ATP2C1: variants seen among roughly 807,000 people sequenced by gnomAD.
ATP2C1 encodes the protein ATPase secretory pathway Ca2+ transporting 1.
ATP2C1 carries 31 observed loss-of-function variants against 120.5 expected under a neutral mutation model. The ratio of observed to expected loss-of-function variants is 0.26; its 90% CI spans 0.19 to 0.35. The LOEUF (loss-of-function observed/expected upper bound fraction) is 0.35. ATP2C1 is among the 10% of genes least tolerant of loss of function. The pLI, the probability that ATP2C1 is intolerant of heterozygous loss-of-function variation, is 1.00. For synonymous variants in ATP2C1, 351 were observed against 358.7 expected (o/e 0.98, Z 0.24); for missense variants, 731 against 1,107.5 (o/e 0.66, Z 4.83).
At chr3:130,953,693 G>A (rs2060465916) in intron 8 of ATP2C1, 128 bp from the exon 9 acceptor site, 1 of 971,394 alleles carries the variant, frequency 1.0e-6, no homozygotes, top group Non-Finnish European at 1.7e-6. Context: ...TAGAGTGATG[G>A]TTTTGATACA....
rs1192530217 is a variant in ATP2C1, at chr3:130,980,691, C to T, written c.1839+12C>T. On this transcript the variant is annotated intron_variant, in intron 20 of 27. Transcript: ENST00000510168. ...AAATAGTACCAAAGGTAGGCCTAAA[C>T]TAAAGCCTTTTGGACTGAAAGGCCT... is the stretch of plus-strand genomic sequence containing the variant. The T allele has an allele frequency of 1.3e-6, 2 of 1,597,490 alleles. No homozygotes were observed. The highest frequency in any genetic ancestry group is 1.3e-5 in the African/African-American group (1 of 74,510).
chr3:130,995,886 C>A lies in ATP2C1; in HGVS notation c.2058-157C>A, dbSNP rs115103794. Among the ~76,000 whole-genome samples, 4,090 of 152,260 alleles carry A rather than the reference C, an allele frequency of 0.027. 190 individuals are homozygous for A. The highest frequency in any genetic ancestry group is 0.093 in the African/African-American group (3,864 of 41,536). On this transcript the variant is annotated intron_variant, in intron 22 of 27. Transcript: ENST00000510168. ...GTCCGAACTCGTGACCCCAGGTGAT[C>A]TGCCAGTTTCGGCCTCCCAGTGTGC...
chr3:130,990,277 C>A (rs546445939), intron 20 of ATP2C1, among the ~76,000 whole-genome samples: 2 of 135,614 alleles, frequency 1.5e-5, no homozygotes, highest in East Asian at 4.7e-4. Flanking sequence ...GAGCAACCCC[C>A]CCCCCCACAA....
intron 21 of ATP2C1, 61 bp from the exon 22 acceptor site, chr3:130,993,871 G>T: frequency 1.9e-6 from 3 of 1,567,800 alleles, no homozygotes; most frequent in South Asian, 2.2e-5. Flanking sequence ...TTATCGCTTT[G>T]TATGGAAGCA....
At chr3:130,859,488 A>G (rs1309506899) in intron 1 of ATP2C1, among the ~76,000 whole-genome samples, 2 of 152,222 alleles carry the variant, frequency 1.3e-5, no homozygotes, top group Non-Finnish European at 2.9e-5. Context: ...TCATTGATAA[A>G]TGGGGGTGCC....
chr3:130,983,727 G>A (rs371305084), intron 20 of ATP2C1, among the ~76,000 whole-genome samples: 2 of 152,222 alleles, frequency 1.3e-5, no homozygotes, highest in African/African-American at 4.8e-5. Context: ...CTGTAGTTTT[G>A]CCTTTTCCAG....
At chr3:130,942,402 G>A (rs1450905872) in intron 8 of ATP2C1, among the ~76,000 whole-genome samples, 1 of 152,190 alleles carries the variant, frequency 6.6e-6, no homozygotes, top group East Asian at 1.9e-4. Flanking sequence ...ATAGATTGAA[G>A]AACTGGAAAA....
At chr3:130,893,637 T>C (rs1327893604), upstream of ATP2C1, among the ~76,000 whole-genome samples, 1 of 152,192 alleles carries the variant, frequency 6.6e-6, no homozygotes, top group Non-Finnish European at 1.5e-5. Flanking sequence ...CAGCTTCCCC[T>C]ACAGACTTTG....
chr3:130,934,898 G>C (rs2059599866), intron 5 of ATP2C1, among the ~76,000 whole-genome samples, 187 bp downstream of exon 5: 1 of 152,014 alleles, frequency 6.6e-6, no homozygotes, highest in Admixed American at 6.6e-5. Flanking sequence ...CAGTGGTATA[G>C]TCATGACTCA....
At chr3:130,997,500 A>G (rs2062682541) in intron 24 of ATP2C1, 106 bp from the exon 25 acceptor site, 6 of 1,067,478 alleles carry the variant, frequency 5.6e-6, no homozygotes, top group South Asian at 5.4e-5. Flanking sequence ...TTGTTTCTAT[A>G]AGAAAGCATT....
At chr3:131,009,053 C>T (rs190861305) in intron 26 of ATP2C1, among the ~76,000 whole-genome samples, 2 of 152,348 alleles carry the variant, frequency 1.3e-5, no homozygotes, top group Admixed American at 1.3e-4. Context: ...CTGCTCCTAT[C>T]TGGTTGATGG....
chr3:131,009,039 C>T lies in ATP2C1; in HGVS notation c.2630-7113C>T, dbSNP rs185130663. On this transcript the variant is annotated intron_variant, in intron 26 of 26. Coordinates refer to the ATP2C1 transcript ENST00000328560. ...CACCCAATTTTTTATCCATCTGAAG[C>T]AGTCTGCTCCTATCTGGTTGATGGG... Among the ~76,000 whole-genome samples the T allele has an allele frequency of 1.1e-4, 16 of 152,340 alleles. No individual in the cohort carries two copies. In the East Asian group the frequency reaches 1.9e-3, roughly 18 times the overall value.
chr3:130,916,891 T>C (rs2058714944), intron 2 of ATP2C1, among the ~76,000 whole-genome samples: 2 of 152,204 alleles, frequency 1.3e-5, no homozygotes, highest in Admixed American at 6.5e-5. Flanking sequence ...AACATAGCTT[T>C]TGTAAATCAA....
At chr3:130,899,124 A>G (rs1559895825) in intron 2 of ATP2C1, among the ~76,000 whole-genome samples, 1 of 152,150 alleles carries the variant, frequency 6.6e-6, no homozygotes, top group Non-Finnish European at 1.5e-5. Context: ...CTCAAAAAAA[A>G]GGCTAAATTG....
intron 26 of ATP2C1, among the ~76,000 whole-genome samples, chr3:131,013,197 C>CTATT (rs1366478530): frequency 2.0e-5 from 3 of 152,192 alleles, no homozygotes; most frequent in African/African-American, 7.2e-5. Context: ...TTAGCAGCCT[C>CTATT]TATTTGGCAG....
At chr3:130,975,612 G>A (rs2061503099) in intron 18 of ATP2C1, 124 bp downstream of exon 18, 1 of 1,136,752 alleles carries the variant, frequency 8.8e-7, no homozygotes, top group Non-Finnish European at 1.3e-6. Flanking sequence ...ACCCTTGCCA[G>A]TATTGAGGTG....
At chr3:130,902,284 GT>G (rs1157956407) in intron 2 of ATP2C1, among the ~76,000 whole-genome samples, 12 of 65,502 alleles carry the variant, frequency 1.8e-4, no homozygotes, top group Admixed American at 1.3e-3. Flanking sequence ...AAGGCTTCAC[GT>G]TTTTTTTTTT....
chr3:131,010,707 A>G (rs1302912625), intron 26 of ATP2C1, among the ~76,000 whole-genome samples: 1 of 152,194 alleles, frequency 6.6e-6, no homozygotes, highest in Non-Finnish European at 1.5e-5. Context: ...CAGTGTGGCT[A>G]CGGCTGGAGT....
In ATP2C1 at chr3:130,894,741, C is replaced by T. The variant is rs1405896284; in HGVS notation, c.-29C>T. ...TGGCTGACACTAAAGACTTTGTAGC[C>T]ATCAACCCGAGTGCAGTTTCGATGG... is the stretch of plus-strand genomic sequence containing the variant. On this transcript the variant is annotated 5_prime_UTR_variant, in exon 2 of 28. Coordinates refer to ENST00000510168, the MANE Select transcript of ATP2C1 (RefSeq NM_001378687.1). This position sits in a 1 kb window ranked among gnomAD's most constrained non-coding sequence, Gnocchi z 4.5. 6.2e-7 allele frequency: 1 copy of T among 1,614,098 alleles called. No homozygotes were observed. Among genetic ancestry groups the T allele is most frequent in the African/African-American group, 1.3e-5 (1 of 74,918 alleles).
Sources: gnomAD v4.1 joint callset for allele counts (sites outside exome capture counted in the v4.1 genomes callset) on GRCh38, gnomAD v4.1.1 for gene constraint, Gnocchi (gnomAD v3.1) non-coding constraint, MANE v1.5 for transcripts, NCBI Gene and HGNC (gene_info 2026-07-23, HGNC 2026-07-21) for gene names.